The following CNTNAP2 variants were observed in gnomAD, a reference collection of about 807,000 sequenced individuals.
The protein encoded by CNTNAP2 is contactin associated protein 2, also known as contactin-associated protein-like 2.
A neutral mutation model predicts 155.2 loss-of-function variants in CNTNAP2; 98 were observed. The ratio of observed to expected loss-of-function variants is 0.63; its 90% CI spans 0.54 to 0.75. CNTNAP2 has a LOEUF of 0.75. CNTNAP2 is among the 30% of genes least tolerant of loss of function. The probability of loss-of-function intolerance (pLI) is 0.00; values close to 1 mark genes in which losing one functional copy is unlikely to be tolerated. For missense variants in CNTNAP2, 1,727 were observed against 1,688.1 expected, an observed-to-expected ratio of 1.02 and a Z score of -0.40; for synonymous variants, 651 against 631.2, an observed-to-expected ratio of 1.03 and a Z score of -0.47.
intron 2 of CNTNAP2, among the ~76,000 whole-genome samples, chr7:146,837,241 T>C (rs1354507950): frequency 1.3e-5 from 2 of 152,086 alleles, no homozygotes; most frequent in Non-Finnish European, 2.9e-5. Context: ...GAATAACTGT[T>C]TATTTTTTAA....
At chr7:146,475,998 A>G (rs755277247) in intron 1 of CNTNAP2, among the ~76,000 whole-genome samples, 1 of 152,140 alleles carries the variant, frequency 6.6e-6, no homozygotes, top group African/African-American at 2.4e-5. Flanking sequence ...GTGAAATATC[A>G]GGTGAGTTGA....
intron 12 of CNTNAP2, among the ~76,000 whole-genome samples, chr7:147,637,287 C>T (rs1795195853): frequency 6.6e-6 from 1 of 152,044 alleles, no homozygotes; most frequent in African/African-American, 2.4e-5. Flanking sequence ...ATGGCTTTAA[C>T]CCTAGTAGTG....
At chr7:147,313,946 G>C (rs7784687) in intron 9 of CNTNAP2, among the ~76,000 whole-genome samples, 3 of 149,580 alleles carry the variant, frequency 2.0e-5, no homozygotes, top group East Asian at 4.1e-4. Flanking sequence ...CATTGAGCAG[G>C]GGTTTGTAGT....
chr7:147,327,825 G>T (rs1795488056), intron 9 of CNTNAP2, among the ~76,000 whole-genome samples: 1 of 152,054 alleles, frequency 6.6e-6, no homozygotes, highest in Non-Finnish European at 1.5e-5. Context: ...CATATCATGT[G>T]GTCTTTTGGG....
rs146967006 is a variant in CNTNAP2 at position 148,257,448 on chromosome 7, G to A, written c.3382-9585G>A. ...TTCTTCTTGAGTATCTCTATAAGTC[G>A]GCAGGATTTATGAGTAGCTCAACCA... On this transcript the variant is annotated intron_variant, in intron 20 of 23. Transcript: ENST00000361727. Among the ~76,000 whole-genome samples the A allele has an allele frequency of 2.0e-3, 308 of 152,190 alleles. 3 individuals carry two copies. The highest frequency in any genetic ancestry group is 7.0e-3 in the African/African-American group (292 of 41,536).
At chr7:147,482,806 G>GATT (rs1798446312) in intron 10 of CNTNAP2, among the ~76,000 whole-genome samples, 1 of 152,026 alleles carries the variant, frequency 6.6e-6, no homozygotes, top group Non-Finnish European at 1.5e-5. Flanking sequence ...AGCACTCTGG[G>GATT]AGGCTGAGGT....
At chr7:148,244,868 CT>C (rs144925608) in intron 20 of CNTNAP2, among the ~76,000 whole-genome samples, 21,817 of 149,902 alleles carry the variant, frequency 0.15, 1,897 homozygotes, top group Middle Eastern at 0.21. Flanking sequence ...AGGCTGTTGC[CT>C]TTTTTTTTAA....
chr7:147,114,828 A>G (rs1433237744), intron 5 of CNTNAP2, among the ~76,000 whole-genome samples: 1 of 152,076 alleles, frequency 6.6e-6, no homozygotes, highest in Non-Finnish European at 1.5e-5. Flanking sequence ...TAGTATTGTT[A>G]TGTGTGGATT....
intron 3 of CNTNAP2, among the ~76,000 whole-genome samples, chr7:146,845,337 G>T (rs1443716050): frequency 1.3e-5 from 2 of 152,132 alleles, no homozygotes; most frequent in African/African-American, 2.4e-5. Context: ...GAGTCGAAAG[G>T]TCTGAATTCA....
intron 16 of CNTNAP2, among the ~76,000 whole-genome samples, chr7:148,132,608 G>A (rs1420714663): frequency 6.6e-6 from 1 of 152,174 alleles, no homozygotes; most frequent in African/African-American, 2.4e-5. Flanking sequence ...CTGGCTTCTG[G>A]AGGCCATGAG....
chr7:146,142,944 T>C (rs1013274057), intron 1 of CNTNAP2, among the ~76,000 whole-genome samples: 1 of 152,238 alleles, frequency 6.6e-6, no homozygotes, highest in Non-Finnish European at 1.5e-5. Context: ...GTAGTTAGTA[T>C]GACTGAAGTA....
intron 14 of CNTNAP2, among the ~76,000 whole-genome samples, chr7:147,936,221 T>C (rs1800604055): frequency 6.6e-6 from 1 of 152,152 alleles, no homozygotes; most frequent in African/African-American, 2.4e-5. Flanking sequence ...AAAAGACACA[T>C]GATTTTAGAT....
chr7:147,372,481 A>G (rs1395357117), intron 9 of CNTNAP2, among the ~76,000 whole-genome samples: 1 of 152,092 alleles, frequency 6.6e-6, no homozygotes, highest in Non-Finnish European at 1.5e-5. Flanking sequence ...TCAACTGTTC[A>G]TTCCTGAACT....
chr7:147,773,473 TAAAACA>T (rs914439139), intron 13 of CNTNAP2, among the ~76,000 whole-genome samples: 1 of 151,984 alleles, frequency 6.6e-6, no homozygotes, highest in Non-Finnish European at 1.5e-5. Context: ...CTGTCTCTAG[TAAAACA>T]AAAACAAAAA....
At chr7:147,159,362 A>C (rs990531751) in intron 8 of CNTNAP2, among the ~76,000 whole-genome samples, 11 of 152,092 alleles carry the variant, frequency 7.2e-5, no homozygotes, top group African/African-American at 2.2e-4. Context: ...AAAAGATAAT[A>C]TGCATTATTA....
intron 13 of CNTNAP2, among the ~76,000 whole-genome samples, chr7:147,653,235 T>G (rs2116943145): frequency 6.6e-6 from 1 of 152,296 alleles, no homozygotes; most frequent in East Asian, 1.9e-4. Context: ...ATGTTGATGT[T>G]TTCTTTCTTT....
chr7:147,141,078 T>C (rs1259917071), intron 8 of CNTNAP2, among the ~76,000 whole-genome samples: 2 of 152,174 alleles, frequency 1.3e-5, no homozygotes, highest in Non-Finnish European at 2.9e-5. Flanking sequence ...ATGGCTCCAA[T>C]AACCTCGTAA....
intron 14 of CNTNAP2, among the ~76,000 whole-genome samples, chr7:147,947,385 A>T (rs560761531): frequency 7.1e-6 from 1 of 140,324 alleles, no homozygotes; most frequent in African/African-American, 2.6e-5. Flanking sequence ...TGGGAGGCTG[A>T]GGCGGGAGGA....
At chr7:148,006,316 C>CTTTTT (rs68011639) in intron 15 of CNTNAP2, among the ~76,000 whole-genome samples, 2 of 118,986 alleles carry the variant, frequency 1.7e-5, no homozygotes, top group African/African-American at 3.3e-5. Context: ...ATAGGAAGTT[C>CTTTTT]TTTTTTTTTT....
Sources: allele counts gnomAD v4.1 joint callset (sites outside exome capture counted in the v4.1 genomes callset), GRCh38; gene constraint gnomAD v4.1.1; transcripts MANE v1.5; gene names NCBI Gene and HGNC (gene_info 2026-07-23, HGNC 2026-07-21).